Variants in HSPA4L observed in about 807,000 individuals in gnomAD.
HSPA4L encodes the protein heat shock protein family A (Hsp70) member 4 like.
HSPA4L carries 48 observed loss-of-function variants against 100.3 expected under a neutral mutation model. The ratio of observed to expected loss-of-function variants is 0.48; its 90% CI spans 0.38 to 0.61. The LOEUF is 0.61. Ranked by LOEUF, HSPA4L falls within the 20% of genes least tolerant of loss-of-function variation. HSPA4L has a pLI of 0.00. For synonymous variants in HSPA4L, 319 were observed against 328.2 expected (o/e 0.97, Z 0.30); for missense variants, 886 against 988.6 (o/e 0.90, Z 1.39).
rs752931412 is a variant in HSPA4L at position 127,801,146 on chromosome 4, C to CT, written c.444dup (p.Thr149TyrfsTer2). ...TTGTTTTTAAATACTAGATTCCTAGCTTTTTTACTGATGCCGAGAGAAGAT... is the reference window on the plus strand; with the variant it reads ...TTGTTTTTAAATACTAGATTCCTAGCTTTTTTTACTGATGCCGAGAGAAGAT... On this transcript the variant is annotated frameshift_variant, in exon 5 of 19. Transcript: ENST00000296464. LOFTEE classifies it high-confidence loss of function. The CT allele has an allele frequency of 2.5e-6, 4 of 1,609,842 alleles. No individual in the cohort carries two copies. The highest frequency in any genetic ancestry group is 3.4e-6 in the Non-Finnish European group (4 of 1,178,270).
At position 127,803,810 on chromosome 4, in the gene HSPA4L, C is replaced by G; in HGVS notation, c.845C>G (p.Ser282Ter). The G allele has an allele frequency of 6.2e-7, 1 of 1,613,724 alleles. No homozygotes were observed. Among genetic ancestry groups the G allele is most frequent in the Non-Finnish European group, 8.5e-7 (1 of 1,179,744 alleles). The change falls in exon 7 of 19, where the codon TCA becomes TGA. Residue 282 changes from serine to a stop codon, truncating the protein, a stop_gained. Transcript: ENST00000296464. LOFTEE classifies it high-confidence loss of function. ...KLKKLMSANA[S>*]DLPLNIECFM... ...AAGAAGCTAATGAGTGCAAATGCAT[C>G]AGATCTTCCATTGAACATTGAGTGT...
chr4:127,823,649 A>G (rs1733871172), intron 16 of HSPA4L, 25 bp downstream of exon 16: 2 of 1,394,838 alleles, frequency 1.4e-6, no homozygotes, highest in South Asian at 1.2e-5. Context: ...AGTCCATGTT[A>G]GTATAAACCA....
intron 10 of HSPA4L, among the ~76,000 whole-genome samples, chr4:127,806,903 G>A (rs1733375862): frequency 6.6e-6 from 1 of 151,722 alleles, no homozygotes. Context: ...AGATTTTAAT[G>A]GCATGTGTTA....
chr4:127,840,459 A>G lies in HSPA4L; in HGVS notation c.*7585A>G, dbSNP rs1345970603. ...AATAATTGAGATTCACATGTAATAG[A>G]CCCTTTAGCTTTAATGAGCAGACAT... is the stretch of plus-strand genomic sequence containing the variant. On this transcript the variant is annotated 3_prime_UTR_variant, in exon 19 of 19. Coordinates refer to ENST00000296464, the MANE Select transcript of HSPA4L (RefSeq NM_014278.4). The G allele has an allele frequency of 1.3e-5, 2 of 152,170 alleles. No individual in the cohort carries two copies. Among genetic ancestry groups the G allele is most frequent in the African/African-American group, 4.8e-5 (2 of 41,448 alleles). 9.4% of individuals were successfully genotyped at this position (152,170 alleles called of 1,614,324 possible). A position where few individuals can be genotyped will look rare whatever the true frequency, so the allele number is the denominator to read the frequency against.
intron 10 of HSPA4L, among the ~76,000 whole-genome samples, chr4:127,807,780 C>T (rs1263002660): frequency 6.6e-6 from 1 of 152,048 alleles, no homozygotes; most frequent in Non-Finnish European, 1.5e-5. Flanking sequence ...TAATAGTATA[C>T]AGTTGTCTGT....
At chr4:127,786,060 G>A (rs956652427) in intron 1 of HSPA4L, among the ~76,000 whole-genome samples, 5 of 152,164 alleles carry the variant, frequency 3.3e-5, no homozygotes, top group African/African-American at 1.2e-4. Context: ...TGATAGCCAA[G>A]AATCGTCATT....
intron 2 of HSPA4L, 151 bp downstream of exon 2, chr4:127,794,285 T>A: frequency 1.9e-6 from 1 of 516,084 alleles, no homozygotes; most frequent in Non-Finnish European, 3.4e-6. Flanking sequence ...TTTGTTTTTT[T>A]AAGATATAAT....
chr4:127,820,431 G>C lies in HSPA4L; in HGVS notation c.1678G>C (p.Ala560Pro). The change falls in exon 14 of 19, where the codon GCT (alanine) becomes CCT (proline). Residue 560 changes from alanine (A) to proline (P), a missense_variant. Coordinates refer to ENST00000296464, the MANE Select transcript of HSPA4L (RefSeq NM_014278.4). ...IDHTGAKTKS[A>P]VSDKQDRLNQ... ...TACTTCTCTTTCGGATTTGCAGTCA[G>C]CTGTCTCAGACAAACAAGACCGATT... is the stretch of plus-strand genomic sequence containing the variant. The C allele has an allele frequency of 6.3e-7, 1 of 1,579,690 alleles. No homozygotes were observed. Among genetic ancestry groups the C allele is most frequent in the Non-Finnish European group, 8.6e-7 (1 of 1,168,536 alleles).
intron 2 of HSPA4L, 65 bp from the exon 3 acceptor site, chr4:127,795,703 C>T: frequency 6.6e-7 from 1 of 1,515,596 alleles, no homozygotes; most frequent in Non-Finnish European, 9.1e-7. Flanking sequence ...TTGTCAAGTA[C>T]TAGGATAGAA....
chr4:127,832,070 T>C (rs919622705), intron 18 of HSPA4L, among the ~76,000 whole-genome samples: 1 of 152,150 alleles, frequency 6.6e-6, no homozygotes, highest in Non-Finnish European at 1.5e-5. Flanking sequence ...CTTTGTGACA[T>C]TGATCTTCAA....
intron 1 of HSPA4L, among the ~76,000 whole-genome samples, chr4:127,785,065 C>T (rs1732676189): frequency 6.6e-6 from 1 of 152,116 alleles, no homozygotes; most frequent in African/African-American, 2.4e-5. Context: ...TGAGAGGATT[C>T]CATATAAACC....
At chr4:127,832,495 C>G (rs1734107344) in intron 18 of HSPA4L, among the ~76,000 whole-genome samples, 188 bp from the exon 19 acceptor site, 1 of 152,116 alleles carries the variant, frequency 6.6e-6, no homozygotes, top group Admixed American at 6.6e-5. Flanking sequence ...TTGACTGCCA[C>G]AGACATATAC....
At chr4:127,785,680 A>G (rs970586323) in intron 1 of HSPA4L, among the ~76,000 whole-genome samples, 1 of 151,896 alleles carries the variant, frequency 6.6e-6, no homozygotes, top group East Asian at 1.9e-4. Flanking sequence ...CAGGTGATCC[A>G]CCCGCCTCGG....
Position 127,838,744 on chromosome 4 carries a change from A to C in HSPA4L, c.*5870A>C, listed in dbSNP as rs1460397953. On this transcript the variant is annotated 3_prime_UTR_variant, in exon 19 of 19. Transcript: ENST00000296464. ...CCTCTTATCCAATTCTAGACTCTTA[A>C]ATAATCACTGTATTTTTCTCAAGTA... 3 of 152,130 alleles carry C rather than the reference A, an allele frequency of 2.0e-5. No individual in the cohort carries two copies. The highest frequency in any genetic ancestry group is 4.4e-5 in the Non-Finnish European group (3 of 68,012). 9.4% of individuals were successfully genotyped at this position (152,130 alleles called of 1,614,324 possible). A position where few individuals can be genotyped will look rare whatever the true frequency, so the allele number is the denominator to read the frequency against.
At position 127,832,811 on chromosome 4, in the gene HSPA4L, A is replaced by ATC; in HGVS notation, c.2458_2459dup (p.Asp821GlnfsTer23). On this transcript the variant is annotated frameshift_variant, in exon 19 of 19. Transcript: ENST00000296464. LOFTEE classifies it high-confidence loss of function. ...ATGGACAGAGTGGAACTGAAACTAA[A>ATC]TCAGATTCAACAAAAGACAGCTCAC... 10 of 1,613,618 alleles carry ATC rather than the reference A, an allele frequency of 6.2e-6. No homozygotes were observed. The highest frequency in any genetic ancestry group is 8.5e-6 in the Non-Finnish European group (10 of 1,179,704).
chr4:127,840,404 A>C lies in HSPA4L; in HGVS notation c.*7530A>C, dbSNP rs1481864911. ...AAACAGCAACCACTGAAATGCAGAAAATGGTAATCAAGTGTGATGTTTCTA... is the reference window on the plus strand; with the variant it reads ...AAACAGCAACCACTGAAATGCAGAACATGGTAATCAAGTGTGATGTTTCTA... On this transcript the variant is annotated 3_prime_UTR_variant, in exon 19 of 19. Coordinates refer to ENST00000296464, the MANE Select transcript of HSPA4L (RefSeq NM_014278.4). 6.6e-6 allele frequency: 1 copy of C among 152,226 alleles called. No homozygotes were observed. Among genetic ancestry groups the C allele is most frequent in the Non-Finnish European group, 1.5e-5 (1 of 68,042 alleles). 9.4% of individuals were successfully genotyped at this position (152,226 alleles called of 1,614,324 possible). A position where few individuals can be genotyped will look rare whatever the true frequency, so the allele number is the denominator to read the frequency against.
chr4:127,802,780 T>A (rs993820528), intron 6 of HSPA4L, among the ~76,000 whole-genome samples: 1 of 152,164 alleles, frequency 6.6e-6, no homozygotes, highest in Non-Finnish European at 1.5e-5. Flanking sequence ...ATACTAGACT[T>A]CATGAGAGGT....
intron 5 of HSPA4L, 49 bp downstream of exon 5, chr4:127,801,286 G>GT (rs756394785): frequency 7.8e-7 from 1 of 1,289,618 alleles, no homozygotes; most frequent in Non-Finnish European, 1.1e-6. Flanking sequence ...TACTGTTCTA[G>GT]TTTTTTTCTA....
chr4:127,783,423 C>A, intron 1 of HSPA4L: 1 of 1,193,698 alleles, frequency 8.4e-7, no homozygotes, highest in Non-Finnish European at 1.1e-6. Flanking sequence ...GAGTCGGGGG[C>A]AGCTGTCCCG....
Sources: gnomAD v4.1 joint callset for allele counts (sites outside exome capture counted in the v4.1 genomes callset) on GRCh38, gnomAD v4.1.1 for gene constraint, MANE v1.5 for transcripts, NCBI Gene and HGNC (gene_info 2026-07-23, HGNC 2026-07-21) for gene names.